Variants in ERC1 observed in about 807,000 individuals in gnomAD.
The protein encoded by ERC1 is ELKS/RAB6-interacting/CAST family member 1.
ERC1 carries 56 observed loss-of-function variants against 132.0 expected under a neutral mutation model. The ratio of observed to expected loss-of-function variants is 0.42; its 90% CI spans 0.34 to 0.53. The LOEUF is 0.53. Ranked by LOEUF, ERC1 falls within the 20% of genes least tolerant of loss-of-function variation. The pLI is 0.03. For missense variants in ERC1, 1,202 were observed against 1,349.9 expected, an observed-to-expected ratio of 0.89 and a Z score of 1.72; for synonymous variants, 478 against 476.1, an observed-to-expected ratio of 1.00 and a Z score of -0.05.
intron 14 of ERC1, among the ~76,000 whole-genome samples, chr12:1,280,098 G>A (rs940537215): frequency 6.6e-6 from 1 of 152,090 alleles, no homozygotes; most frequent in Non-Finnish European, 1.5e-5. Flanking sequence ...GGGATATATC[G>A]TTCGCTTGTA....
chr12:1,009,365 A>G (rs11064639), intron 1 of ERC1, among the ~76,000 whole-genome samples: 19,484 of 151,910 alleles, frequency 0.13, 1,753 homozygotes, highest in African/African-American at 0.25. Context: ...TAGTAGAGAC[A>G]GGGTTTCACC....
chr12:1,469,443 C>T (rs1014939363), intron 18 of ERC1, among the ~76,000 whole-genome samples: 3 of 152,234 alleles, frequency 2.0e-5, no homozygotes, highest in East Asian at 1.9e-4. Flanking sequence ...GTGGGCCCAC[C>T]GCCCTCTCCA....
intron 12 of ERC1, among the ~76,000 whole-genome samples, chr12:1,234,053 A>G (rs987771100): frequency 6.6e-6 from 1 of 152,220 alleles, no homozygotes; most frequent in Non-Finnish European, 1.5e-5. Flanking sequence ...ATTTTAAATG[A>G]TGGCAAAACG....
chr12:1,098,121 C>G (rs548782343), intron 3 of ERC1, among the ~76,000 whole-genome samples: 12 of 152,282 alleles, frequency 7.9e-5, no homozygotes, highest in African/African-American at 2.9e-4. Context: ...GCTTTCCCTC[C>G]CTACGCCCCA....
At chr12:1,079,156 A>G (rs1485884763) in intron 2 of ERC1, among the ~76,000 whole-genome samples, 1 of 145,596 alleles carries the variant, frequency 6.9e-6, no homozygotes, top group African/African-American at 2.5e-5. Flanking sequence ...AAGTCGATAT[A>G]CAGAGATACA....
At chr12:1,109,400 T>C (rs1406077723) in intron 4 of ERC1, among the ~76,000 whole-genome samples, 1 of 152,250 alleles carries the variant, frequency 6.6e-6, no homozygotes, top group Non-Finnish European at 1.5e-5. Flanking sequence ...ATTTTTATTA[T>C]TGCACATATA....
chr12:1,411,881 A>T (rs2154395958), intron 17 of ERC1, among the ~76,000 whole-genome samples: 1 of 150,624 alleles, frequency 6.6e-6, no homozygotes, highest in Non-Finnish European at 1.5e-5. Flanking sequence ...CCTATAGGTA[A>T]CTTCACCAGG....
At chr12:1,248,927 G>C (rs2076316173) in intron 13 of ERC1, among the ~76,000 whole-genome samples, 2 of 151,892 alleles carry the variant, frequency 1.3e-5, no homozygotes, top group African/African-American at 4.9e-5. Flanking sequence ...CTGTCACTCA[G>C]GCTGCAGTGC....
At chr12:1,418,589 C>T (rs954889759) in intron 17 of ERC1, among the ~76,000 whole-genome samples, 8 of 107,036 alleles carry the variant, frequency 7.5e-5, no homozygotes, top group African/African-American at 3.1e-4. Context: ...TTCTTTCTTT[C>T]TCTTTCTTTC....
chr12:1,309,975 T>C (rs1242545546), intron 15 of ERC1, among the ~76,000 whole-genome samples: 1 of 151,390 alleles, frequency 6.6e-6, no homozygotes, highest in Admixed American at 6.6e-5. Flanking sequence ...TGAGACAGAG[T>C]CTCGTGCTGT....
At chr12:1,049,910 A>G (rs1333210729) in intron 2 of ERC1, among the ~76,000 whole-genome samples, 1 of 151,718 alleles carries the variant, frequency 6.6e-6, no homozygotes, top group Non-Finnish European at 1.5e-5. Flanking sequence ...TGCCCGGCTA[A>G]TTTTGTATTT....
chr12:1,006,457 C>G (rs1404796131), intron 1 of ERC1, among the ~76,000 whole-genome samples: 1 of 152,090 alleles, frequency 6.6e-6, no homozygotes, highest in Admixed American at 6.6e-5. Flanking sequence ...AATTTCAGCT[C>G]ACTGTAGTCT....
chr12:1,003,598 A>G (rs1219367236), intron 1 of ERC1, among the ~76,000 whole-genome samples: 1 of 152,172 alleles, frequency 6.6e-6, no homozygotes. Flanking sequence ...TGTTGAATAG[A>G]GATAGGAGAC....
intron 14 of ERC1, among the ~76,000 whole-genome samples, chr12:1,283,035 C>T (rs947712057): frequency 9.9e-5 from 15 of 152,150 alleles, no homozygotes; most frequent in South Asian, 4.1e-4. Context: ...CTTGAAGAAG[C>T]GGGCTTTGCC....
chr12:1,376,567 C>A (rs2087944013), intron 16 of ERC1, among the ~76,000 whole-genome samples: 1 of 152,138 alleles, frequency 6.6e-6, no homozygotes, highest in African/African-American at 2.4e-5. Context: ...TGGAGAGTGT[C>A]TTCATTATTT....
chr12:1,367,234 A>G (rs559937559), intron 15 of ERC1, among the ~76,000 whole-genome samples: 8 of 152,342 alleles, frequency 5.3e-5, no homozygotes, highest in Admixed American at 5.2e-4. Flanking sequence ...TAGATTTCAG[A>G]TTTATCTTAA....
At chr12:1,171,089 TC>T (rs1193806311) in intron 8 of ERC1, among the ~76,000 whole-genome samples, 3 of 152,168 alleles carry the variant, frequency 2.0e-5, no homozygotes, top group Admixed American at 2.0e-4. Flanking sequence ...AATAATTCAC[TC>T]CATGATCTGT....
chr12:1,180,640 C>T lies in ERC1; in HGVS notation c.1838C>T (p.Thr613Ile). Residue 613 changes from threonine to isoleucine, a missense_variant, in exon 9 of 19, where the codon ACT (threonine) becomes ATT (isoleucine). Physicochemically the swap from Thr to Ile is moderately conservative, Grantham distance 89. Coordinates refer to ENST00000360905, the MANE Select transcript of ERC1 (RefSeq NM_178040.4). ...CAGGCTGACACCACCAACACTGACA[C>T]TGCCTTGACAACTTTGGAGGAGGCC... ...SLQADTTNTD[T>I]ALTTLEEALA... 6.2e-7 allele frequency: 1 copy of T among 1,614,066 alleles called. No individual in the cohort carries two copies. Among genetic ancestry groups the T allele is most frequent in the Non-Finnish European group, 8.5e-7 (1 of 1,180,032 alleles).
intron 7 of ERC1, among the ~76,000 whole-genome samples, chr12:1,126,986 C>CAAAAAAAAAAAAAAAAA (rs71055135): frequency 3.5e-4 from 40 of 114,172 alleles, no homozygotes; most frequent in Non-Finnish European, 5.2e-4. Context: ...GATTCTGTCT[C>CAAAAAAAAAAAAAAAAA]AAAAAAAAAA....
Sources: allele counts gnomAD v4.1 joint callset (sites outside exome capture counted in the v4.1 genomes callset), GRCh38; gene constraint gnomAD v4.1.1; transcripts MANE v1.5; gene names NCBI Gene and HGNC (gene_info 2026-07-23, HGNC 2026-07-21).